Variants in MYH16 observed in about 807,000 individuals in gnomAD.
The protein encoded by MYH16 is putative uncharacterized protein MYH16.
At chr7:99,265,208 G>T (rs1562777445) in intron 16 of MYH16, 1 of 152,590 alleles carries the variant, frequency 6.6e-6, no homozygotes, top group Non-Finnish European at 1.5e-5. Flanking sequence ...TGGGGTCACG[G>T]CTCCCTGCTG....
At chr7:99,249,903 G>C (rs912256363) in intron 4 of MYH16, 1 of 152,678 alleles carries the variant, frequency 6.5e-6, no homozygotes, top group South Asian at 2.1e-4. Flanking sequence ...TGTTGGCCAG[G>C]CTAGTCTTGC....
chr7:99,254,159 G>C (rs1238913774), intron 8 of MYH16: 1 of 152,206 alleles, frequency 6.6e-6, no homozygotes, highest in Non-Finnish European at 1.5e-5. Context: ...TGACACAGGA[G>C]AATCAGTTGA....
exon 16 of MYH16, chr7:99,265,139 C>G (rs1285101194): frequency 6.5e-6 from 1 of 152,682 alleles, no homozygotes; most frequent in African/African-American, 2.4e-5. Flanking sequence ...CCCTCCATAG[C>G]CGCACCCCAT....
intron 2 of MYH16, among the ~76,000 whole-genome samples, chr7:99,246,020 G>A (rs188684178): frequency 3.1e-4 from 47 of 151,878 alleles, no homozygotes; most frequent in Admixed American, 6.6e-4. Flanking sequence ...TGAGCAACAC[G>A]GCAAGACTCC....
intron 20 of MYH16, 126 bp downstream of exon 2, chr7:99,273,549 C>G: frequency 2.6e-6 from 1 of 390,850 alleles, no homozygotes; most frequent in South Asian, 1.9e-5. Flanking sequence ...ATGAGGGCAC[C>G]TTAGAGACAA....
intron 19 of MYH16, among the ~76,000 whole-genome samples, chr7:99,271,470 T>G (rs1792045459): frequency 6.6e-6 from 1 of 151,950 alleles, no homozygotes; most frequent in Admixed American, 6.6e-5. Flanking sequence ...GATCGTGCCA[T>G]TGCACTCCAG....
chr7:99,285,081 C>G (rs772860340), intron 26 of MYH16, 146 bp downstream of exon 8: 3 of 401,368 alleles, frequency 7.5e-6, no homozygotes, highest in Non-Finnish European at 1.5e-5. Context: ...GTTCCCCTCA[C>G]TAGGGGTGAA....
chr7:99,279,804 C>G, intron 22 of MYH16, 67 bp downstream of exon 4: 1 of 410,680 alleles, frequency 2.4e-6, no homozygotes, highest in Non-Finnish European at 4.8e-6. Flanking sequence ...CCTAAAGCCC[C>G]TATGGTGGCT....
chr7:99,302,299 C>CA (rs1267029344), intron 38 of MYH16, among the ~76,000 whole-genome samples: 1,614 of 87,602 alleles, frequency 0.018, 150 homozygotes, highest in African/African-American at 0.096. Flanking sequence ...GTGACCATCT[C>CA]AAAAAAAAAA....
At chr7:99,251,390 C>A (rs1207572466) in intron 6 of MYH16, among the ~76,000 whole-genome samples, 3 of 152,174 alleles carry the variant, frequency 2.0e-5, no homozygotes, top group Non-Finnish European at 4.4e-5. Context: ...GACAAATAAT[C>A]CCTCGTGGAA....
At chr7:99,254,623 T>A (rs1791851591) in intron 8 of MYH16, among the ~76,000 whole-genome samples, 1 of 152,132 alleles carries the variant, frequency 6.6e-6, no homozygotes, top group African/African-American at 2.4e-5. Context: ...CTGGATGCCC[T>A]TGTGCAGGCA....
At chr7:99,255,177 A>AGG (rs1791856258) in intron 8 of MYH16, among the ~76,000 whole-genome samples, 1 of 152,094 alleles carries the variant, frequency 6.6e-6, no homozygotes, top group South Asian at 2.1e-4. Flanking sequence ...GCTGAGGTGC[A>AGG]AGAATCGCTT....
At chr7:99,293,259 T>C (rs1350863797) in intron 32 of MYH16, among the ~76,000 whole-genome samples, 2 of 152,232 alleles carry the variant, frequency 1.3e-5, no homozygotes, top group Non-Finnish European at 2.9e-5. Context: ...AAATGGCACA[T>C]GTGCTCTAAG....
chr7:99,285,400 G>GA (rs1562782600), exon 27 of MYH16: 2 of 456,722 alleles, frequency 4.4e-6, no homozygotes, highest in Non-Finnish European at 8.8e-6. Flanking sequence ...TGAAGAGCTG[G>GA]AAGAAGAACT....
chr7:99,279,332 C>T (rs548296086), intron 21 of MYH16, among the ~76,000 whole-genome samples, 178 bp from the exon 4 acceptor site: 1 of 143,676 alleles, frequency 7.0e-6, no homozygotes, highest in South Asian at 2.2e-4. Context: ...GCACTCCAGC[C>T]TGGGCAACAA....
chr7:99,269,468 G>A (rs1387678131), intron 18 of MYH16, among the ~76,000 whole-genome samples: 1 of 152,086 alleles, frequency 6.6e-6, no homozygotes, highest in Admixed American at 6.5e-5. Context: ...TAGAGATGGG[G>A]TCTCAATATG....
At chr7:99,272,588 CAG>C (rs1792060443) in intron 19 of MYH16, among the ~76,000 whole-genome samples, 1 of 151,722 alleles carries the variant, frequency 6.6e-6, no homozygotes, top group South Asian at 2.1e-4. Flanking sequence ...CAAAAAAAAA[CAG>C]AAACAAAAAA....
At chr7:99,262,535 C>T (rs899963619) in intron 13 of MYH16, among the ~76,000 whole-genome samples, 4 of 152,232 alleles carry the variant, frequency 2.6e-5, no homozygotes, top group African/African-American at 9.6e-5. Context: ...GGCACCTGTG[C>T]ATTTCCAAGA....
At chr7:99,283,968 C>T (rs1327653520) in exon 25 of MYH16, 1 of 456,488 alleles carries the variant, frequency 2.2e-6, no homozygotes. Flanking sequence ...CCATCGACAA[C>T]CTCAATGAGA....
Sources: gnomAD v4.1 joint callset for allele counts (sites outside exome capture counted in the v4.1 genomes callset) on GRCh38, gnomAD v4.1.1 for gene constraint, MANE v1.5 for transcripts, NCBI Gene and HGNC (gene_info 2026-07-23, HGNC 2026-07-21) for gene names.